PRKN: variants seen among roughly 807,000 people sequenced by gnomAD.
PRKN encodes E3 ubiquitin-protein ligase parkin.
A neutral mutation model predicts 59.5 loss-of-function variants in PRKN; 56 were observed. The ratio of observed to expected loss-of-function variants is 0.94; its 90% confidence interval spans 0.76 to 1.18. The LOEUF (loss-of-function observed/expected upper bound fraction) is 1.18, where lower values mean the gene tolerates loss of function less well. Ranked by LOEUF, PRKN falls within the 50% of genes most tolerant of loss-of-function variation. The pLI, the probability that PRKN is intolerant of heterozygous loss-of-function variation, is 0.00. For missense variants in PRKN, 657 were observed against 596.4 expected, an observed-to-expected ratio of 1.10 and a Z score of -1.06; for synonymous variants, 250 against 222.1, an observed-to-expected ratio of 1.13 and a Z score of -1.12.
chr6:162,465,572 G>C (rs1245704057), intron 1 of PRKN, among the ~76,000 whole-genome samples: 1 of 152,146 alleles, frequency 6.6e-6, no homozygotes, highest in Non-Finnish European at 1.5e-5. Flanking sequence ...ACATCAAAAT[G>C]CAAAATAATT....
intron 6 of PRKN, among the ~76,000 whole-genome samples, chr6:161,902,597 T>A (rs1349302298): frequency 1.4e-5 from 2 of 143,886 alleles, no homozygotes; most frequent in Admixed American, 7.1e-5. Context: ...TCTTGCTCTG[T>A]TCCCCAGGCT....
intron 2 of PRKN, among the ~76,000 whole-genome samples, chr6:162,375,800 T>C (rs935751165): frequency 3.3e-5 from 5 of 151,716 alleles, no homozygotes; most frequent in Admixed American, 3.3e-4. Context: ...TAGATATATA[T>C]ACATATATAT....
intron 4 of PRKN, among the ~76,000 whole-genome samples, chr6:162,074,179 C>A (rs957216362): frequency 7.2e-6 from 1 of 139,346 alleles, no homozygotes; most frequent in African/African-American, 2.7e-5. Flanking sequence ...GACACATGCA[C>A]ACGTATGTTT....
chr6:161,482,336 C>T (rs1791440700), intron 9 of PRKN, among the ~76,000 whole-genome samples: 1 of 152,142 alleles, frequency 6.6e-6, no homozygotes, highest in Non-Finnish European at 1.5e-5. Flanking sequence ...GTCAGCATGC[C>T]AGCGTGCAGT....
intron 6 of PRKN, among the ~76,000 whole-genome samples, chr6:161,885,791 T>C (rs1489924947): frequency 1.3e-5 from 2 of 151,662 alleles, no homozygotes; most frequent in African/African-American, 4.8e-5. Context: ...ATTTTGAAAA[T>C]ATAAACTGAA....
At chr6:162,259,049 A>G (rs1779775079) in intron 3 of PRKN, among the ~76,000 whole-genome samples, 2 of 152,196 alleles carry the variant, frequency 1.3e-5, no homozygotes, top group African/African-American at 4.8e-5. Context: ...TATTCTTCGA[A>G]GTTAAAATTG....
chr6:161,459,923 G>A lies in PRKN; in HGVS notation c.1084-73046C>T, dbSNP rs909923267. Reference sequence around the variant, plus strand: ...TGCTTACATTATTTTATTTAGATAAGAAAATGGCTGTTGATATTTTGTAAA... The same window carrying A: ...TGCTTACATTATTTTATTTAGATAAAAAAATGGCTGTTGATATTTTGTAAA... On this transcript the variant is annotated intron_variant, in intron 9 of 11. Coordinates refer to ENST00000366898, the MANE Select transcript of PRKN (RefSeq NM_004562.3). The surrounding 1 kb of genome is among the most constrained non-coding windows in gnomAD (Gnocchi z 4.8). Among the ~76,000 whole-genome samples the A allele has an allele frequency of 6.6e-6, 1 of 151,788 alleles. No individual in the cohort carries two copies. The highest frequency in any genetic ancestry group is 1.5e-5 in the Non-Finnish European group (1 of 67,984).
intron 2 of PRKN, among the ~76,000 whole-genome samples, chr6:162,290,530 G>C (rs1412968096): frequency 6.6e-6 from 1 of 152,006 alleles, no homozygotes; most frequent in Non-Finnish European, 1.5e-5. Flanking sequence ...GTCAGATTAA[G>C]AGACAATGAT....
intron 9 of PRKN, among the ~76,000 whole-genome samples, chr6:161,406,394 G>A (rs970128226): frequency 3.3e-5 from 5 of 152,018 alleles, no homozygotes; most frequent in African/African-American, 9.7e-5. Flanking sequence ...CACCAAAAAC[G>A]TAAGGTGGTT....
intron 1 of PRKN, among the ~76,000 whole-genome samples, chr6:162,553,421 TA>T (rs950426938): frequency 1.0e-4 from 13 of 130,486 alleles, no homozygotes; most frequent in Admixed American, 1.6e-4. Context: ...GGGATAGATA[TA>T]GGGGGGGTGC....
chr6:162,464,659 C>CAAAAAAAAA (rs1164797005), intron 1 of PRKN, among the ~76,000 whole-genome samples: 26 of 79,844 alleles, frequency 3.3e-4, no homozygotes, highest in Admixed American at 4.7e-4. Context: ...ACTAAAAATA[C>CAAAAAAAAA]AAAAAAAAAA....
Position 161,396,493 on chromosome 6 carries a change from C to T in PRKN, c.1084-9616G>A, listed in dbSNP as rs1786765963. ...TCACAGAGTATCAAATTCAATGCCA[C>T]TTTCAAACATCGCCATTCATTAGTG... On this transcript the variant is annotated intron_variant, in intron 9 of 11. Transcript: ENST00000366898. This position sits in a 1 kb window ranked among gnomAD's most constrained non-coding sequence, Gnocchi z 5.4. Among the ~76,000 whole-genome samples, 1 of 152,198 alleles carries T rather than the reference C, an allele frequency of 6.6e-6. No homozygotes were observed. Among genetic ancestry groups the T allele is most frequent in the Non-Finnish European group, 1.5e-5 (1 of 68,048 alleles).
chr6:161,681,516 T>C (rs1785362701), intron 7 of PRKN, among the ~76,000 whole-genome samples: 1 of 152,048 alleles, frequency 6.6e-6, no homozygotes, highest in Admixed American at 6.6e-5. Flanking sequence ...ATTTCAATGG[T>C]TACAAGTAAC....
At chr6:162,150,144 C>G (rs1782204866) in intron 4 of PRKN, among the ~76,000 whole-genome samples, 1 of 152,106 alleles carries the variant, frequency 6.6e-6, no homozygotes. Context: ...ATCGCCGTGT[C>G]TTTTTAAGAA....
chr6:161,520,285 C>T (rs1000739650), intron 9 of PRKN, among the ~76,000 whole-genome samples: 14 of 139,360 alleles, frequency 1.0e-4, no homozygotes, highest in African/African-American at 2.7e-4. Context: ...AGTACAATGG[C>T]GTGATCTCAG....
intron 1 of PRKN, among the ~76,000 whole-genome samples, chr6:162,476,603 T>A (rs191776284): frequency 2.0e-5 from 3 of 152,244 alleles, no homozygotes; most frequent in Non-Finnish European, 4.4e-5. Flanking sequence ...CAGCACAGCA[T>A]GAGGAAAGGA....
At chr6:162,207,138 C>T (rs898948802) in intron 3 of PRKN, among the ~76,000 whole-genome samples, 3 of 151,996 alleles carry the variant, frequency 2.0e-5, no homozygotes, top group Admixed American at 6.6e-5. Context: ...TTTGGGAGGC[C>T]GAGGCAGGCG....
At chr6:162,535,040 A>G (rs577861235) in intron 1 of PRKN, among the ~76,000 whole-genome samples, 1 of 149,910 alleles carries the variant, frequency 6.7e-6, no homozygotes, top group Non-Finnish European at 1.5e-5. Context: ...GTCCTCTTCC[A>G]TCCCCAGTCC....
At chr6:162,065,366 C>T (rs1778287247) in intron 4 of PRKN, among the ~76,000 whole-genome samples, 1 of 152,054 alleles carries the variant, frequency 6.6e-6, no homozygotes, top group Non-Finnish European at 1.5e-5. Flanking sequence ...AGATGGAAGC[C>T]AGAAGACTCA....
Sources: gnomAD v4.1 joint callset for allele counts (sites outside exome capture counted in the v4.1 genomes callset) on GRCh38, gnomAD v4.1.1 for gene constraint, Gnocchi (gnomAD v3.1) non-coding constraint, MANE v1.5 for transcripts, NCBI Gene and HGNC (gene_info 2026-07-23, HGNC 2026-07-21) for gene names.